BRWD1: variants seen among roughly 807,000 people sequenced by gnomAD.
The protein encoded by BRWD1 is bromodomain and WD repeat-containing protein 1.
In BRWD1, 82 loss-of-function variants were observed where a neutral mutation model predicts 251.2. That is an observed-to-expected ratio of 0.33 (90% CI 0.27 to 0.39). The LOEUF is 0.39. BRWD1 is among the 10% of genes least tolerant of loss of function. The pLI, the probability that BRWD1 is intolerant of heterozygous loss-of-function variation, is 1.00. For missense variants in BRWD1, 2,233 were observed against 2,711.6 expected (o/e 0.82, Z 3.92); for synonymous variants, 918 against 902.8 (o/e 1.02, Z -0.30).
At chr21:39,296,722 CA>C (rs1300878274) in intron 5 of BRWD1, 2 of 801,482 alleles carry the variant, frequency 2.5e-6, no homozygotes, top group Non-Finnish European at 2.8e-6. Context: ...AAGAGATCCA[CA>C]GCAAATGATT....
intron 21 of BRWD1, among the ~76,000 whole-genome samples, chr21:39,239,559 A>G (rs2033921033): frequency 6.6e-6 from 1 of 152,208 alleles, no homozygotes; most frequent in Non-Finnish European, 1.5e-5. Flanking sequence ...CACTGTCTTG[A>G]AAACTGCAGA....
Position 39,187,084 on chromosome 21 carries a change from A to G in BRWD1, c.*9175T>C, listed in dbSNP as rs376173353. ...CCTTAAAAAAAGCATTTTTCTATTA[A>G]TATCTTCTAGCTCTTTTTCACTTTC... On this transcript the variant is annotated 3_prime_UTR_variant, in exon 41 of 41. Coordinates refer to ENST00000342449, the MANE Select transcript of BRWD1 (RefSeq NM_033656.4). 5.1e-5 allele frequency: 81 copies of G among 1,596,398 alleles called. 1 individual carries two copies. The highest frequency in any genetic ancestry group is 6.2e-5 in the Non-Finnish European group (73 of 1,175,546).
Position 39,187,073 on chromosome 21 carries a change from T to A in BRWD1, c.*9186A>T. 2 of 1,593,016 alleles carry A rather than the reference T, an allele frequency of 1.3e-6. No individual in the cohort carries two copies. Among genetic ancestry groups the A allele is most frequent in the Non-Finnish European group, 1.7e-6 (2 of 1,174,186 alleles). ...GATCTGAACCCCCTTAAAAAAAGCA[T>A]TTTTCTATTAATATCTTCTAGCTCT... is the stretch of plus-strand genomic sequence containing the variant. On this transcript the variant is annotated 3_prime_UTR_variant, in exon 41 of 41. Transcript: ENST00000342449.
Position 39,189,526 on chromosome 21 carries a change from A to C in BRWD1, c.*6733T>G, listed in dbSNP as rs2031434123. 1 of 982,516 alleles carries C rather than the reference A, an allele frequency of 1.0e-6. No homozygotes were observed. The highest frequency in any genetic ancestry group is 6.2e-5 in the Admixed American group (1 of 16,252). 60.9% of individuals were successfully genotyped at this position (982,516 alleles called of 1,614,324 possible). A position where few individuals can be genotyped will look rare whatever the true frequency, so the allele number is the denominator to read the frequency against. On this transcript the variant is annotated 3_prime_UTR_variant, in exon 41 of 41. Coordinates refer to ENST00000342449, the MANE Select transcript of BRWD1 (RefSeq NM_033656.4). Reference sequence around the variant, plus strand: ...CAGGTTTTTAAAAAATACTTAAGGAAATTTGAACTTCAGTAACTATGCCCA... The same window carrying C: ...CAGGTTTTTAAAAAATACTTAAGGACATTTGAACTTCAGTAACTATGCCCA...
rs150438828 is a variant in BRWD1 at position 39,272,769 on chromosome 21, G to A, written c.1244+1605C>T. On this transcript the variant is annotated intron_variant, in intron 13 of 40. Coordinates refer to ENST00000342449, the MANE Select transcript of BRWD1 (RefSeq NM_033656.4). ...ATTACAGGCGCATGCCACCATATCC[G>A]GCTAATTTTTCTATTTTTTTTTAGT... is the stretch of plus-strand genomic sequence containing the variant. Among the ~76,000 whole-genome samples, 437 of 151,860 alleles carry A rather than the reference G, an allele frequency of 2.9e-3. 2 individuals carry two copies. Among genetic ancestry groups the A allele is most frequent in the African/African-American group, 1.0e-2 (414 of 41,458 alleles).
intron 21 of BRWD1, among the ~76,000 whole-genome samples, chr21:39,244,301 T>TG (rs1370122870): frequency 1.3e-5 from 2 of 152,028 alleles, no homozygotes; most frequent in Non-Finnish European, 2.9e-5. Context: ...CCTGCCCTTG[T>TG]GATCCACCCA....
At chr21:39,247,100 A>G (rs1437829687) in intron 21 of BRWD1, among the ~76,000 whole-genome samples, 1 of 151,738 alleles carries the variant, frequency 6.6e-6, no homozygotes, top group Non-Finnish European at 1.5e-5. Flanking sequence ...GGGCCCATTC[A>G]TATAAAATGT....
chr21:39,288,046 C>T (rs1042726269), intron 8 of BRWD1, among the ~76,000 whole-genome samples: 1 of 152,118 alleles, frequency 6.6e-6, no homozygotes, highest in African/African-American at 2.4e-5. Flanking sequence ...GAGATGCAGT[C>T]AAGATGTCGA....
intron 8 of BRWD1, among the ~76,000 whole-genome samples, chr21:39,292,476 G>A (rs2035844974): frequency 6.6e-6 from 1 of 152,098 alleles, no homozygotes; most frequent in Admixed American, 6.6e-5. Flanking sequence ...ATCCCAAGAT[G>A]ATCAATTCTC....
rs1346403860 is a variant in BRWD1 at position 39,192,147 on chromosome 21, T to C, written c.*4112A>G. ...TGGCAGATTATGAAAAAGGTAAAAA[T>C]CTCTTACTTTTGAGAATCCCCATGT... On this transcript the variant is annotated 3_prime_UTR_variant, in exon 41 of 41. Transcript: ENST00000342449. The C allele has an allele frequency of 1.0e-6, 1 of 985,056 alleles. No homozygotes were observed. Among genetic ancestry groups the C allele is most frequent in the Admixed American group, 6.2e-5 (1 of 16,234 alleles). The allele number at this position is 985,056 out of a possible 1,614,324, so 61.0% of individuals were successfully genotyped here. A position where few individuals can be genotyped will look rare whatever the true frequency, so the allele number is the denominator to read the frequency against.
rs1045785949 is a variant in BRWD1, at chr21:39,264,943, G to C, written c.1607C>G (p.Ser536Cys). 3.1e-6 allele frequency: 5 copies of C among 1,613,758 alleles called. No individual in the cohort carries two copies. In the African/African-American group the frequency reaches 5.3e-5, roughly 17 times the overall value. The part of the protein sequence containing the change: ...QDGQHFACTD[S>C]HGHLLIFGFG... ...ACCAAATATCAGAAGGTGCCCATGAGAATCTGTACAGGCAAAATGCTGTCC... is the reference window on the plus strand; with the variant it reads ...ACCAAATATCAGAAGGTGCCCATGACAATCTGTACAGGCAAAATGCTGTCC... Residue 536 changes from serine (S) to cysteine (C), a missense_variant, in exon 16 of 41, where the codon TCT becomes TGT. Ser to Cys is a moderately radical substitution (Grantham distance 112). Coordinates refer to ENST00000342449, the MANE Select transcript of BRWD1 (RefSeq NM_033656.4).
At position 39,188,589 on chromosome 21, in the gene BRWD1, A is replaced by G. The variant is rs1350897779; in HGVS notation, c.*7670T>C. The G allele has an allele frequency of 2.0e-6, 2 of 985,320 alleles. No individual in the cohort carries two copies. The highest frequency in any genetic ancestry group is 4.7e-5 in the South Asian group (1 of 21,296). The allele number at this position is 985,320 out of a possible 1,614,324, so 61.0% of individuals were successfully genotyped here. On this transcript the variant is annotated 3_prime_UTR_variant, in exon 41 of 41. Coordinates refer to ENST00000342449, the MANE Select transcript of BRWD1 (RefSeq NM_033656.4). The stretch of plus-strand genomic sequence containing the variant: ...CACAAAGCTGACTGAAGGGCAGATG[A>G]GTACAGGTAAAAACTGCTTCTGTGG...
At chr21:39,310,476 T>C (rs1173715695) in intron 4 of BRWD1, among the ~76,000 whole-genome samples, 3 of 152,120 alleles carry the variant, frequency 2.0e-5, no homozygotes, top group Non-Finnish European at 2.9e-5. Context: ...CCATCTCTAC[T>C]AAAAATACAA....
chr21:39,314,347 G>T (rs1434711688), upstream of BRWD1: 5 of 455,752 alleles, frequency 1.1e-5, no homozygotes, highest in Non-Finnish European at 2.2e-5. Flanking sequence ...GCAGCGCTTC[G>T]CCGAGGGGGT....
At chr21:39,206,901 C>T (rs530685842) in intron 36 of BRWD1, among the ~76,000 whole-genome samples, 5 of 152,330 alleles carry the variant, frequency 3.3e-5, no homozygotes, top group East Asian at 1.9e-4. Flanking sequence ...TCCTCCTCCA[C>T]GACTTTTCCT....
chr21:39,302,206 A>C (rs1170707142), intron 4 of BRWD1, among the ~76,000 whole-genome samples: 9 of 150,618 alleles, frequency 6.0e-5, no homozygotes, highest in Non-Finnish European at 1.3e-4. Context: ...CTGGTCTCGA[A>C]CTCCTGACCT....
At chr21:39,244,631 T>C (rs2034115680) in intron 21 of BRWD1, among the ~76,000 whole-genome samples, 1 of 152,134 alleles carries the variant, frequency 6.6e-6, no homozygotes, top group African/African-American at 2.4e-5. Context: ...TCCACATCAA[T>C]AATGATAATG....
chr21:39,262,354 C>T (rs1173004984), intron 17 of BRWD1, among the ~76,000 whole-genome samples: 1 of 152,198 alleles, frequency 6.6e-6, no homozygotes, highest in East Asian at 1.9e-4. Flanking sequence ...GAACAAACTA[C>T]TGATACATGC....
Position 39,199,342 on chromosome 21 carries a change from C to G in BRWD1, c.5074G>C (p.Glu1692Gln), listed in dbSNP as rs773564730. The G allele has an allele frequency of 6.2e-7, 1 of 1,614,018 alleles. No individual in the cohort carries two copies. The highest frequency in any genetic ancestry group is 1.3e-5 in the African/African-American group (1 of 75,030). ...QSLKSEIEEE[E>Q]LKDENQLLPV... is the part of the protein sequence containing the mutation. ...AATAGTTGATTTTCATCTTTTAGCT[C>G]CTCTTCTTCAATTTCTGACTTTAAG... is the stretch of plus-strand genomic sequence containing the variant. Residue 1692 changes from glutamate to glutamine, a missense_variant, in exon 40 of 41, where the codon GAG becomes CAG. Around this residue, in one of 12 missense-constraint regions of BRWD1, gnomAD observed 928 missense variants for 970.0 expected, o/e 0.96. Transcript: ENST00000342449.
Sources: allele counts gnomAD v4.1 joint callset (sites outside exome capture counted in the v4.1 genomes callset), GRCh38; gene constraint gnomAD v4.1.1; regional missense constraint gnomAD v4.1.1; transcripts MANE v1.5; gene names NCBI Gene and HGNC (gene_info 2026-07-23, HGNC 2026-07-21).